DPYD: variants seen among roughly 807,000 people sequenced by gnomAD.
DPYD encodes dihydropyrimidine dehydrogenase [NADP(+)].
Under a neutral mutation model 116.2 loss-of-function variants are expected in DPYD, and 109 were observed. That is an observed-to-expected ratio of 0.94 (90% CI 0.80 to 1.10). The LOEUF (loss-of-function observed/expected upper bound fraction) is 1.10. Ranked by LOEUF, DPYD falls within the 50% of genes least tolerant of loss-of-function variation. The pLI, the probability that DPYD is intolerant of heterozygous loss-of-function variation, is 0.00. For synonymous variants in DPYD, 440 were observed against 432.0 expected (o/e 1.02, Z -0.23); for missense variants, 1,302 against 1,254.5 (o/e 1.04, Z -0.57).
At chr1:97,445,406 C>G (rs756539799) in intron 14 of DPYD, among the ~76,000 whole-genome samples, 1 of 152,190 alleles carries the variant, frequency 6.6e-6, no homozygotes, top group African/African-American at 2.4e-5. Flanking sequence ...AGCACACATG[C>G]ATTAAGACCC....
chr1:97,185,231 G>A (rs1443728588), intron 20 of DPYD, among the ~76,000 whole-genome samples: 1 of 152,116 alleles, frequency 6.6e-6, no homozygotes, highest in Non-Finnish European at 1.5e-5. Flanking sequence ...AGAACATAAA[G>A]AAGAGTTAAC....
intron 10 of DPYD, among the ~76,000 whole-genome samples, chr1:97,587,162 T>C (rs953526230): frequency 1.3e-5 from 2 of 152,212 alleles, no homozygotes; most frequent in African/African-American, 4.8e-5. Flanking sequence ...GATAAATATA[T>C]ACAGATCCTT....
intron 11 of DPYD, among the ~76,000 whole-genome samples, chr1:97,561,585 T>C (rs1453866966): frequency 1.3e-5 from 2 of 152,282 alleles, no homozygotes; most frequent in African/African-American, 4.8e-5. Context: ...TTTAACTACA[T>C]GGTCCCTATA....
intron 20 of DPYD, among the ~76,000 whole-genome samples, chr1:97,152,865 A>T (rs980589941): frequency 2.0e-5 from 3 of 152,068 alleles, no homozygotes; most frequent in Non-Finnish European, 4.4e-5. Context: ...TTTAAATATA[A>T]CTTGTCTTAT....
chr1:97,164,868 CTT>C (rs58517548), intron 20 of DPYD, among the ~76,000 whole-genome samples: 8 of 144,034 alleles, frequency 5.6e-5, no homozygotes, highest in Non-Finnish European at 7.7e-5. Context: ...CGTACAGATT[CTT>C]TTTTTTTTTT....
chr1:97,164,234 T>G (rs998825817), intron 20 of DPYD, among the ~76,000 whole-genome samples: 1 of 152,194 alleles, frequency 6.6e-6, no homozygotes, highest in South Asian at 2.1e-4. Flanking sequence ...CTTCCCTTTA[T>G]GTTTAAAACT....
intron 12 of DPYD, among the ~76,000 whole-genome samples, chr1:97,532,068 T>A (rs748830969): frequency 6.6e-5 from 10 of 152,024 alleles, no homozygotes; most frequent in African/African-American, 2.4e-4. Flanking sequence ...CCTCTGCAAA[T>A]AGTTAATTTT....
intron 11 of DPYD, among the ~76,000 whole-genome samples, chr1:97,562,770 G>A (rs1461876911): frequency 6.6e-6 from 1 of 152,162 alleles, no homozygotes; most frequent in Non-Finnish European, 1.5e-5. Flanking sequence ...CCAGGCCAGA[G>A]TGCAGTGGCA....
At chr1:97,136,647 G>A (rs1199174870) in intron 20 of DPYD, among the ~76,000 whole-genome samples, 5 of 152,066 alleles carry the variant, frequency 3.3e-5, no homozygotes, top group Admixed American at 2.6e-4. Flanking sequence ...AGTATTAGAA[G>A]GTCACAAATT....
intron 19 of DPYD, among the ~76,000 whole-genome samples, chr1:97,232,671 T>C (rs1661659516): frequency 6.6e-6 from 1 of 152,182 alleles, no homozygotes; most frequent in South Asian, 2.1e-4. Context: ...ACTGATTTTT[T>C]CTTCTGTTCT....
At chr1:97,525,976 A>AGTGTGT (rs1491557954) in intron 12 of DPYD, among the ~76,000 whole-genome samples, 14 of 73,776 alleles carry the variant, frequency 1.9e-4, no homozygotes, top group African/African-American at 3.1e-4. Context: ...TGGGTAATTA[A>AGTGTGT]GAGTGTGTGT....
chr1:97,108,773 A>C (rs980195138), intron 20 of DPYD, among the ~76,000 whole-genome samples: 1 of 152,116 alleles, frequency 6.6e-6, no homozygotes, highest in Middle Eastern at 3.2e-3. Flanking sequence ...ATCTTGACAA[A>C]GTTTGATGTC....
intron 20 of DPYD, among the ~76,000 whole-genome samples, chr1:97,185,352 A>G (rs1657924169): frequency 6.6e-6 from 1 of 152,162 alleles, no homozygotes; most frequent in South Asian, 2.1e-4. Flanking sequence ...GCTGGAACAT[A>G]GAAGAACCAA....
intron 18 of DPYD, among the ~76,000 whole-genome samples, chr1:97,271,814 T>C (rs1481415763): frequency 1.3e-5 from 2 of 152,180 alleles, no homozygotes; most frequent in African/African-American, 4.8e-5. Flanking sequence ...ACTTCCACAC[T>C]TTGAATAATT....
intron 16 of DPYD, among the ~76,000 whole-genome samples, chr1:97,313,962 C>T (rs1667664760): frequency 6.6e-6 from 1 of 151,966 alleles, no homozygotes; most frequent in Non-Finnish European, 1.5e-5. Flanking sequence ...TTTCTAATTG[C>T]ATACCAGCTT....
intron 14 of DPYD, among the ~76,000 whole-genome samples, chr1:97,435,970 A>G (rs1675448614): frequency 6.6e-6 from 1 of 152,038 alleles, no homozygotes; most frequent in Non-Finnish European, 1.5e-5. Context: ...CTAAATAAAA[A>G]CTTTATATTG....
intron 13 of DPYD, among the ~76,000 whole-genome samples, chr1:97,498,361 C>G (rs555422360): frequency 2.0e-5 from 3 of 151,786 alleles, no homozygotes; most frequent in South Asian, 2.1e-4. Context: ...TGGTTAAGAA[C>G]ACTAAATATT....
At chr1:97,178,694 G>C (rs963854597) in intron 20 of DPYD, among the ~76,000 whole-genome samples, 1 of 152,034 alleles carries the variant, frequency 6.6e-6, no homozygotes, top group African/African-American at 2.4e-5. Context: ...ATTTTTCACA[G>C]GGCTAAAGAG....
At chr1:97,844,816 C>G (rs915345355) in intron 2 of DPYD, among the ~76,000 whole-genome samples, 2 of 152,196 alleles carry the variant, frequency 1.3e-5, no homozygotes, top group Non-Finnish European at 2.9e-5. Flanking sequence ...GGGAAACCCC[C>G]CACTGCCCCT....
Sources: allele counts gnomAD v4.1 joint callset (sites outside exome capture counted in the v4.1 genomes callset), GRCh38; gene constraint gnomAD v4.1.1; transcripts MANE v1.5; gene names NCBI Gene and HGNC (gene_info 2026-07-23, HGNC 2026-07-21).